The following RPH3A variants were observed in gnomAD, a reference collection of about 807,000 sequenced individuals.
RPH3A encodes rabphilin-3A.
In RPH3A, 48 loss-of-function variants were observed where a neutral mutation model predicts 102.2. That is an observed-to-expected ratio of 0.47 (90% CI 0.37 to 0.60). The LOEUF (loss-of-function observed/expected upper bound fraction) is 0.60. RPH3A is among the 20% of genes least tolerant of loss of function. The pLI is 0.00. For missense variants in RPH3A, 781 were observed against 910.1 expected, an observed-to-expected ratio of 0.86 and a Z score of 1.83; for synonymous variants, 310 against 324.3, an observed-to-expected ratio of 0.96 and a Z score of 0.47.
At chr12:112,621,692 G>A (rs2039727584) in intron 1 of RPH3A, among the ~76,000 whole-genome samples, 1 of 152,074 alleles carries the variant, frequency 6.6e-6, no homozygotes, top group African/African-American at 2.4e-5. Context: ...AGCTCGAACT[G>A]GGTGGAGCCC....
rs1828675695 is a variant in RPH3A at position 112,868,600 on chromosome 12, G to T, written c.610+5G>T. Reference sequence around the variant, plus strand: ...CTGCCCGGGCTCCAGCTCGAGGTAGGACAAAACAGGTGCTTCTTTCAGGAC... The same window carrying T: ...CTGCCCGGGCTCCAGCTCGAGGTAGTACAAAACAGGTGCTTCTTTCAGGAC... On this transcript the variant is annotated splice_donor_5th_base_variant and intron_variant, in intron 8 of 21. Transcript: ENST00000389385. 1 of 1,612,542 alleles carries T rather than the reference G, an allele frequency of 6.2e-7. No homozygotes were observed. Among genetic ancestry groups the T allele is most frequent in the African/African-American group, 1.3e-5 (1 of 74,868 alleles).
chr12:112,687,445 C>T (rs2136019963), intron 1 of RPH3A, among the ~76,000 whole-genome samples: 1 of 152,262 alleles, frequency 6.6e-6, no homozygotes, highest in Middle Eastern at 3.4e-3. Flanking sequence ...TTCCCAAAGG[C>T]CCTATTGGCC....
At chr12:112,748,907 C>A (rs954067437) in intron 1 of RPH3A, among the ~76,000 whole-genome samples, 1 of 151,712 alleles carries the variant, frequency 6.6e-6, no homozygotes, top group Non-Finnish European at 1.5e-5. Context: ...TATGCCAATT[C>A]CCAAGATTTA....
At chr12:112,591,783 A>G (rs1488798639) in intron 1 of RPH3A, among the ~76,000 whole-genome samples, 2 of 152,026 alleles carry the variant, frequency 1.3e-5, no homozygotes, top group Non-Finnish European at 2.9e-5. Context: ...TCTGTGATGT[A>G]TTGTCATTTA....
chr12:112,733,984 A>C (rs1050209343), intron 1 of RPH3A, among the ~76,000 whole-genome samples: 1 of 152,118 alleles, frequency 6.6e-6, no homozygotes, highest in African/African-American at 2.4e-5. Context: ...TGTACTAAGG[A>C]ATTTACATCT....
intron 1 of RPH3A, among the ~76,000 whole-genome samples, chr12:112,673,631 A>G (rs1427473124): frequency 2.0e-5 from 3 of 152,248 alleles, no homozygotes; most frequent in Admixed American, 1.3e-4. Context: ...AAATAAACAT[A>G]TCATGGAGAA....
At chr12:112,577,775 T>C (rs2039370136) in intron 1 of RPH3A, among the ~76,000 whole-genome samples, 1 of 151,698 alleles carries the variant, frequency 6.6e-6, no homozygotes, top group African/African-American at 2.4e-5. Context: ...ACTCCTGGGC[T>C]TAAGCAATCC....
intron 1 of RPH3A, among the ~76,000 whole-genome samples, chr12:112,621,659 T>A (rs2039726941): frequency 6.6e-6 from 1 of 151,740 alleles, no homozygotes; most frequent in Non-Finnish European, 1.5e-5. Flanking sequence ...CCAGGCTTGC[T>A]TAGGTAAACA....
intron 4 of RPH3A, among the ~76,000 whole-genome samples, chr12:112,838,108 G>A (rs2042083832): frequency 6.6e-6 from 1 of 152,184 alleles, no homozygotes; most frequent in Non-Finnish European, 1.5e-5. Context: ...GTGAACTGTG[G>A]AGCACAAAGA....
chr12:112,862,334 G>A (rs2042533254), intron 5 of RPH3A, among the ~76,000 whole-genome samples: 1 of 152,194 alleles, frequency 6.6e-6, no homozygotes, highest in Non-Finnish European at 1.5e-5. Flanking sequence ...GAAGTCAGGA[G>A]GTTAGTGCTG....
chr12:112,823,123 CT>C (rs1430182349), intron 2 of RPH3A, among the ~76,000 whole-genome samples: 1 of 152,202 alleles, frequency 6.6e-6, no homozygotes, highest in Admixed American at 6.5e-5. Context: ...GTAGGTATCT[CT>C]TTGTCTCTGA....
chr12:112,842,887 C>T (rs1032861879), intron 4 of RPH3A, among the ~76,000 whole-genome samples: 2 of 152,270 alleles, frequency 1.3e-5, no homozygotes, highest in Middle Eastern at 3.4e-3. Context: ...AATTAACAGA[C>T]CAGGAAACTG....
intron 1 of RPH3A, among the ~76,000 whole-genome samples, chr12:112,584,527 G>A (rs1051501806): frequency 2.6e-5 from 4 of 152,188 alleles, no homozygotes; most frequent in African/African-American, 9.7e-5. Flanking sequence ...GGCTGGGGGT[G>A]TGGTCCAAAC....
intron 1 of RPH3A, among the ~76,000 whole-genome samples, chr12:112,738,216 A>T (rs1027980965): frequency 6.6e-6 from 1 of 151,242 alleles, no homozygotes; most frequent in African/African-American, 2.4e-5. Context: ...TTTTAGAGAC[A>T]GGGTCTCACT....
chr12:112,769,277 T>C (rs1037942131), intron 1 of RPH3A, among the ~76,000 whole-genome samples: 2 of 152,224 alleles, frequency 1.3e-5, no homozygotes, highest in African/African-American at 4.8e-5. Context: ...TTTATCTCCA[T>C]TGGGTGCTGG....
At chr12:112,686,760 T>C (rs2040267290) in intron 1 of RPH3A, among the ~76,000 whole-genome samples, 2 of 152,218 alleles carry the variant, frequency 1.3e-5, no homozygotes. Flanking sequence ...TTTAAGTCAC[T>C]GAGTTTTGGG....
chr12:112,690,413 A>C (rs971678738), intron 1 of RPH3A, among the ~76,000 whole-genome samples: 2 of 152,178 alleles, frequency 1.3e-5, no homozygotes, highest in Non-Finnish European at 2.9e-5. Flanking sequence ...GCCATGCTAC[A>C]GTTAGCTGGG....
chr12:112,718,213 C>T (rs2040526824), intron 1 of RPH3A: 1 of 152,132 alleles, frequency 6.6e-6, no homozygotes, highest in Non-Finnish European at 1.5e-5. Context: ...AAAGATCTGC[C>T]TTCAATTAGC....
chr12:112,848,474 G>A (rs1671082598), intron 5 of RPH3A, among the ~76,000 whole-genome samples: 1 of 152,200 alleles, frequency 6.6e-6, no homozygotes, highest in African/African-American at 2.4e-5. Flanking sequence ...CCACTTGCCT[G>A]CTGTGGATCT....
Sources: gnomAD v4.1 joint callset for allele counts (sites outside exome capture counted in the v4.1 genomes callset) on GRCh38, gnomAD v4.1.1 for gene constraint, MANE v1.5 for transcripts, NCBI Gene and HGNC (gene_info 2026-07-23, HGNC 2026-07-21) for gene names.